Variants in GLRA3 observed in about 807,000 individuals in gnomAD.
GLRA3 encodes the protein glycine receptor subunit alpha-3.
A neutral mutation model predicts 60.4 loss-of-function variants in GLRA3; 44 were observed. The observed-to-expected ratio is 0.73, with a 90% CI of 0.57 to 0.94. The LOEUF is 0.94. Ranked by LOEUF, GLRA3 falls within the 40% of genes least tolerant of loss-of-function variation. The probability of loss-of-function intolerance (pLI) is 0.00; values close to 1 mark genes in which losing one functional copy is unlikely to be tolerated. For missense variants in GLRA3, 508 were observed against 564.6 expected, an observed-to-expected ratio of 0.90 and a Z score of 1.02; for synonymous variants, 223 against 192.9, an observed-to-expected ratio of 1.16 and a Z score of -1.29.
At chr4:174,699,763 G>T (rs35505443) in intron 5 of GLRA3, among the ~76,000 whole-genome samples, 2,321 of 150,590 alleles carry the variant, frequency 0.015, 62 homozygotes, top group African/African-American at 0.052. Context: ...TTATTTTAGA[G>T]AATTAATATT....
intron 2 of GLRA3, among the ~76,000 whole-genome samples, chr4:174,778,836 G>A (rs796181050): frequency 6.6e-6 from 1 of 152,188 alleles, no homozygotes; most frequent in African/African-American, 2.4e-5. Context: ...ACGGAGTCTC[G>A]CTGATTGCTA....
At position 174,640,992 on chromosome 4, in the gene GLRA3, T is replaced by A. The variant is rs1398106243; in HGVS notation, c.*2794A>T. ...TAAAGTAAGTTCTAGAGCCTCATTA[T>A]GGTTTAAGTTCAATTCTAATGGTTG... On this transcript the variant is annotated 3_prime_UTR_variant, in exon 10 of 10. Coordinates refer to ENST00000274093, the MANE Select transcript of GLRA3 (RefSeq NM_006529.4). The A allele has an allele frequency of 7.1e-6, 1 of 141,334 alleles. No individual in the cohort carries two copies. The highest frequency in any genetic ancestry group is 1.6e-5 in the Non-Finnish European group (1 of 61,900). The allele number at this position is 141,334 out of a possible 1,614,324, so 8.8% of individuals were successfully genotyped here.
chr4:174,678,696 A>T lies in GLRA3; in HGVS notation c.713-1404T>A, dbSNP rs1214158049. Among the ~76,000 whole-genome samples the T allele has an allele frequency of 2.6e-5, 4 of 152,216 alleles. No homozygotes were observed. The East Asian group carries it at 7.7e-4, about 29-fold the overall frequency. On this transcript the variant is annotated intron_variant, in intron 6 of 9. Coordinates refer to ENST00000274093, the MANE Select transcript of GLRA3 (RefSeq NM_006529.4). ...AATAGCAATCAGAAACATATGTGCA[A>T]ACCATACATGATCCTTTTATTGATT...
At chr4:174,784,585 C>T (rs547566328) in intron 2 of GLRA3, among the ~76,000 whole-genome samples, 1 of 151,954 alleles carries the variant, frequency 6.6e-6, no homozygotes, top group East Asian at 1.9e-4. Context: ...ATAAAATCAA[C>T]CATTTCTATA....
At chr4:174,674,057 A>G (rs1252090194) in intron 7 of GLRA3, among the ~76,000 whole-genome samples, 1 of 152,152 alleles carries the variant, frequency 6.6e-6, no homozygotes, top group African/African-American at 2.4e-5. Context: ...TTGCCAGATC[A>G]TCATCTGCTG....
In GLRA3 at chr4:174,768,976, A is replaced by G. The variant is rs1336452440; in HGVS notation, c.200-1946T>C. ...ACACCACATACAGAAACTAATATCT[A>G]AGACTAATTTCTTTGTTTTTTTTTA... On this transcript the variant is annotated intron_variant, in intron 2 of 9. Coordinates refer to ENST00000274093, the MANE Select transcript of GLRA3 (RefSeq NM_006529.4). 3.3e-5 allele frequency among the ~76,000 whole-genome samples: 5 copies of G among 152,140 alleles called. No individual in the cohort carries two copies. The East Asian group carries it at 7.7e-4, about 23-fold the overall frequency.
intron 9 of GLRA3, among the ~76,000 whole-genome samples, chr4:174,652,345 G>C (rs571248689): frequency 1.3e-5 from 2 of 152,030 alleles, no homozygotes; most frequent in African/African-American, 4.8e-5. Context: ...GAGACATTAT[G>C]TGTTAGCCAA....
intron 9 of GLRA3, among the ~76,000 whole-genome samples, chr4:174,655,871 C>A (rs1004026108): frequency 6.6e-6 from 1 of 151,990 alleles, no homozygotes; most frequent in African/African-American, 2.4e-5. Flanking sequence ...CAGGTCTAGA[C>A]AATCTGTTAT....
intron 1 of GLRA3, among the ~76,000 whole-genome samples, chr4:174,820,539 T>C (rs1740702902): frequency 6.6e-6 from 1 of 152,132 alleles, no homozygotes; most frequent in Non-Finnish European, 1.5e-5. Context: ...CGCTGGGATA[T>C]GTGGCACTGG....
At chr4:174,750,299 G>C (rs937298399) in intron 3 of GLRA3, among the ~76,000 whole-genome samples, 1 of 152,086 alleles carries the variant, frequency 6.6e-6, no homozygotes, top group Non-Finnish European at 1.5e-5. Flanking sequence ...AGCTCAGATA[G>C]CCAGGAATGG....
intron 4 of GLRA3, among the ~76,000 whole-genome samples, chr4:174,718,890 C>T (rs1736027516): frequency 6.6e-6 from 1 of 150,982 alleles, no homozygotes. Flanking sequence ...AGTAACTCAC[C>T]TGACATTACA....
At chr4:174,818,583 A>G (rs1740603972) in intron 1 of GLRA3, among the ~76,000 whole-genome samples, 1 of 152,202 alleles carries the variant, frequency 6.6e-6, no homozygotes, top group Non-Finnish European at 1.5e-5. Flanking sequence ...TAAGATTTGC[A>G]GGAAGAGATA....
rs750173498 is a variant in GLRA3, at chr4:174,644,022, C to T, written c.1159G>A (p.Gly387Arg). Residue 387 changes from glycine to arginine, a missense_variant, in exon 10 of 10, where the codon GGA (glycine) becomes AGA (arginine). By Grantham distance (125) the Gly-to-Arg change is moderately radical (BLOSUM62 -2). Around this residue, in one of 3 missense-constraint regions of GLRA3, gnomAD observed 176 missense variants for 197.9 expected, o/e 0.89. Coordinates refer to ENST00000274093, the MANE Select transcript of GLRA3 (RefSeq NM_006529.4). ...TTTGCTTGTAGACATGGTCCCATTC[C>T]ATAGGCTGTGAAGCTGAATCGGCTT... Reference protein sequence around the residue: ...RESRFSFTAYGMGPCLQAKDG... With the variant: ...RESRFSFTAYRMGPCLQAKDG... The T allele has an allele frequency of 1.9e-6, 3 of 1,613,778 alleles. No individual in the cohort carries two copies. The Admixed American group carries it at 5.0e-5, about 27-fold the overall frequency.
intron 1 of GLRA3, among the ~76,000 whole-genome samples, chr4:174,810,715 T>C (rs1019515467): frequency 6.6e-6 from 1 of 152,086 alleles, no homozygotes; most frequent in African/African-American, 2.4e-5. Flanking sequence ...GCTATAATGA[T>C]TAGAGTCAAA....
At chr4:174,674,235 G>C (rs913648674) in intron 7 of GLRA3, among the ~76,000 whole-genome samples, 1 of 152,108 alleles carries the variant, frequency 6.6e-6, no homozygotes, top group African/African-American at 2.4e-5. Context: ...AGTCTTCCTT[G>C]ATAGGCCCCA....
chr4:174,694,764 A>G (rs1048345762), intron 5 of GLRA3, among the ~76,000 whole-genome samples: 8 of 152,094 alleles, frequency 5.3e-5, no homozygotes, highest in Admixed American at 2.6e-4. Flanking sequence ...ATCAAGCCAC[A>G]AAAAAGCCAT....
At chr4:174,657,091 C>A (rs1210484038) in intron 8 of GLRA3, among the ~76,000 whole-genome samples, 1 of 152,036 alleles carries the variant, frequency 6.6e-6, no homozygotes, top group African/African-American at 2.4e-5. Context: ...TCCCAGGGTA[C>A]CAATCACTGG....
intron 5 of GLRA3, among the ~76,000 whole-genome samples, chr4:174,691,520 C>A (rs534051029): frequency 6.6e-6 from 1 of 152,198 alleles, no homozygotes; most frequent in South Asian, 2.1e-4. Context: ...CTGCCGAGTG[C>A]CTGCGATTGC....
At chr4:174,785,246 GT>G (rs1198537180) in intron 2 of GLRA3, among the ~76,000 whole-genome samples, 1 of 152,036 alleles carries the variant, frequency 6.6e-6, no homozygotes, top group East Asian at 1.9e-4. Flanking sequence ...CTAAATTTTT[GT>G]AAATGTTAGA....
Sources: gnomAD v4.1 joint callset for allele counts (sites outside exome capture counted in the v4.1 genomes callset) on GRCh38, gnomAD v4.1.1 for gene constraint, gnomAD v4.1.1 regional missense constraint, MANE v1.5 for transcripts, NCBI Gene and HGNC (gene_info 2026-07-23, HGNC 2026-07-21) for gene names.